TBX18: variants seen among roughly 807,000 people sequenced by gnomAD.
TBX18 encodes T-box transcription factor 18, also known as T-box transcription factor TBX18.
A neutral mutation model predicts 55.0 loss-of-function variants in TBX18; 21 were observed. That is an observed-to-expected ratio of 0.38 (90% CI 0.27 to 0.55). TBX18 has a LOEUF of 0.55. Among genes scored for constraint, TBX18 ranks in the 20% least tolerant of loss-of-function variants. The pLI, the probability that TBX18 is intolerant of heterozygous loss-of-function variation, is 0.73. For synonymous variants in TBX18, 342 were observed against 326.1 expected (o/e 1.05, Z -0.53); for missense variants, 840 against 799.6 (o/e 1.05, Z -0.61).
intron 4 of TBX18, among the ~76,000 whole-genome samples, chr6:84,749,922 G>A (rs1001820615): frequency 1.3e-5 from 2 of 152,084 alleles, no homozygotes; most frequent in Non-Finnish European, 2.9e-5. Context: ...CAGATTTTTG[G>A]TGAATATAGA....
intron 2 of TBX18, 37 bp downstream of exon 2, chr6:84,762,507 G>C (rs962817180): frequency 6.8e-6 from 11 of 1,610,142 alleles, no homozygotes; most frequent in Non-Finnish European, 8.5e-6. Context: ...ACAGGGTCTG[G>C]GGTAGGGAGG....
Position 84,756,810 on chromosome 6 carries a change from G to A in TBX18, c.659C>T (p.Pro220Leu), listed in dbSNP as rs1323631792. ...CGAGTCTGGATGAATGTACACACGG[G>A]GTGGCACAGGCGAGTCAGCATTACC... ...VAGNADSPVP[P>L]RVYIHPDSPA... Residue 220 changes from proline (P) to leucine (L), a missense_variant, in exon 4 of 8, where the codon CCC becomes CTC. Pro to Leu is a moderately conservative substitution (Grantham distance 98). Coordinates refer to ENST00000369663, the MANE Select transcript of TBX18 (RefSeq NM_001080508.3). 1.9e-6 allele frequency: 3 copies of A among 1,614,028 alleles called. No individual in the cohort carries two copies. The highest frequency in any genetic ancestry group is 2.5e-6 in the Non-Finnish European group (3 of 1,179,998).
rs778097448 is a variant in TBX18, at chr6:84,762,764, C to G, written c.293-16G>C. ...TCACAGCCGCCTGGACAGCAAAGGA[C>G]AGAGAAAGGGAACTGGTGAGGGAAA... On this transcript the variant is annotated splice_polypyrimidine_tract_variant and intron_variant, in intron 1 of 7. Transcript: ENST00000369663. The G allele has an allele frequency of 2.7e-5, 43 of 1,580,632 alleles. No individual in the cohort carries two copies. The highest frequency in any genetic ancestry group is 3.6e-5 in the Non-Finnish European group (42 of 1,163,938).
rs376530878 is a variant in TBX18 at position 84,756,750 on chromosome 6, A to G, written c.719T>C (p.Ile240Thr). The change falls in exon 4 of 8, where the codon ATC becomes ACC. Residue 240 changes from isoleucine to threonine, a missense_variant. Physicochemically the swap from Ile to Thr is moderately conservative, Grantham distance 89. Coordinates refer to ENST00000369663, the MANE Select transcript of TBX18 (RefSeq NM_001080508.3). ...ASGETWMRQV[I>T]SFDKLKLTNN... ...GGTGAGCTTCAGCTTGTCGAAGCTGATAACTTGTCTCATCCAAGTCTCCCC... is the reference window on the plus strand; with the variant it reads ...GGTGAGCTTCAGCTTGTCGAAGCTGGTAACTTGTCTCATCCAAGTCTCCCC... The G allele has an allele frequency of 9.3e-6, 15 of 1,613,994 alleles. No homozygotes were observed. The highest frequency in any genetic ancestry group is 2.2e-5 in the East Asian group (1 of 44,882).
At chr6:84,740,337 C>T (rs188236126) in intron 6 of TBX18, among the ~76,000 whole-genome samples, 3 of 152,070 alleles carry the variant, frequency 2.0e-5, no homozygotes, top group African/African-American at 7.2e-5. Flanking sequence ...ATTGTCTGAC[C>T]TTAAGCAAAT....
intron 4 of TBX18, among the ~76,000 whole-genome samples, chr6:84,751,867 A>G (rs1193226123): frequency 6.6e-6 from 1 of 152,226 alleles, no homozygotes; most frequent in Non-Finnish European, 1.5e-5. Flanking sequence ...GGGATGAACC[A>G]TTTGATTATT....
At chr6:84,747,780 T>C (rs570739467) in intron 5 of TBX18, 140 bp downstream of exon 5, 1 of 680,566 alleles carries the variant, frequency 1.5e-6, no homozygotes, top group East Asian at 3.0e-5. Flanking sequence ...TAAAGAACTG[T>C]TATTCATATA....
At chr6:84,743,125 T>C (rs1767089868) in intron 6 of TBX18, among the ~76,000 whole-genome samples, 3 of 152,298 alleles carry the variant, frequency 2.0e-5, no homozygotes, top group South Asian at 4.1e-4. Flanking sequence ...GTGAAAAATT[T>C]CAGAGGGAAG....
chr6:84,738,469 A>G (rs1582064074), intron 7 of TBX18, 28 bp downstream of exon 7: 1 of 1,581,458 alleles, frequency 6.3e-7, no homozygotes, highest in East Asian at 2.2e-5. Context: ...CGGGCTGTAT[A>G]TATGACCCAG....
chr6:84,733,386 A>G lies in TBX18; in HGVS notation c.*3299T>C, dbSNP rs1408447648. ...TAATAATTTAATACAATTAGTTCTTAAGGGAAAGCTTAGAAAAAACTTCAT... is the reference window on the plus strand; with the variant it reads ...TAATAATTTAATACAATTAGTTCTTGAGGGAAAGCTTAGAAAAAACTTCAT... On this transcript the variant is annotated 3_prime_UTR_variant, in exon 8 of 8. Transcript: ENST00000369663. The G allele has an allele frequency of 6.6e-6, 1 of 152,172 alleles. No individual in the cohort carries two copies. Among genetic ancestry groups the G allele is most frequent in the East Asian group, 1.9e-4 (1 of 5,190 alleles). 9.4% of individuals were successfully genotyped at this position (152,172 alleles called of 1,614,324 possible). A position where few individuals can be genotyped will look rare whatever the true frequency, so the allele number is the denominator to read the frequency against.
chr6:84,737,868 A>G (rs1183771178), intron 7 of TBX18, among the ~76,000 whole-genome samples: 1 of 152,208 alleles, frequency 6.6e-6, no homozygotes, highest in Non-Finnish European at 1.5e-5. Flanking sequence ...CCAACCAATA[A>G]TAATTATCTG....
intron 4 of TBX18, among the ~76,000 whole-genome samples, chr6:84,752,025 C>A (rs1767362213): frequency 6.6e-6 from 1 of 152,134 alleles, no homozygotes; most frequent in South Asian, 2.1e-4. Context: ...CCAAATAATT[C>A]TATGTGATGT....
intron 4 of TBX18, among the ~76,000 whole-genome samples, chr6:84,753,611 G>A (rs1209706256): frequency 6.6e-6 from 1 of 152,136 alleles, no homozygotes; most frequent in African/African-American, 2.4e-5. Flanking sequence ...GTTCCCAAGA[G>A]GTCTCTGCAT....
intron 1 of TBX18, among the ~76,000 whole-genome samples, chr6:84,763,614 A>G (rs1442031150): frequency 6.6e-6 from 1 of 152,116 alleles, no homozygotes; most frequent in South Asian, 2.1e-4. Context: ...TGCAGGAAGC[A>G]CAGAGCTGCA....
chr6:84,764,301 C>T lies in TBX18; in HGVS notation c.-120G>A, dbSNP rs1041583289. The stretch of plus-strand genomic sequence containing the variant: ...CTCGGGGCCTCCCGAGATCTGCCCC[C>T]TTCCCCACCGCGGGCAAAAAACAGA... On this transcript the variant is annotated 5_prime_UTR_variant, in exon 1 of 8. Transcript: ENST00000369663. The T allele has an allele frequency of 2.1e-5, 27 of 1,282,292 alleles. No homozygotes were observed. The Admixed American group carries it at 2.3e-4, about 11-fold the overall frequency. 79.4% of individuals were successfully genotyped at this position (1,282,292 alleles called of 1,614,324 possible). A position where few individuals can be genotyped will look rare whatever the true frequency, so the allele number is the denominator to read the frequency against.
chr6:84,763,294 C>T, intron 1 of TBX18: 2 of 438,522 alleles, frequency 4.6e-6, no homozygotes, highest in Admixed American at 4.9e-5. Context: ...TCTTCAGACC[C>T]CGCTTTCGCC....
At chr6:84,747,473 T>C (rs1767226997) in intron 5 of TBX18, among the ~76,000 whole-genome samples, 2 of 152,206 alleles carry the variant, frequency 1.3e-5, no homozygotes, top group African/African-American at 4.8e-5. Context: ...AAAGCATATC[T>C]TGAAAGAAAT....
At chr6:84,747,498 T>G (rs983629992) in intron 5 of TBX18, among the ~76,000 whole-genome samples, 1 of 152,204 alleles carries the variant, frequency 6.6e-6, no homozygotes, top group African/African-American at 2.4e-5. Context: ...CTTTTGTATA[T>G]GTACCAAAAT....
chr6:84,741,903 T>G (rs993405823), intron 6 of TBX18: 1 of 152,196 alleles, frequency 6.6e-6, no homozygotes, highest in Non-Finnish European at 1.5e-5. Context: ...TGCTCACTTA[T>G]GTAATTCAGG....
Sources: allele counts gnomAD v4.1 joint callset (sites outside exome capture counted in the v4.1 genomes callset), GRCh38; gene constraint gnomAD v4.1.1; transcripts MANE v1.5; gene names NCBI Gene and HGNC (gene_info 2026-07-23, HGNC 2026-07-21).